PCDHGA5: variants seen among roughly 807,000 people sequenced by gnomAD.
PCDHGA5 encodes protocadherin gamma subfamily A, 5.
In PCDHGA5, 36 loss-of-function variants were observed where a neutral mutation model predicts 56.7. The observed-to-expected ratio is 0.64, with a 90% CI of 0.49 to 0.84. The LOEUF (loss-of-function observed/expected upper bound fraction) is 0.84, where lower values mean the gene tolerates loss of function less well. PCDHGA5 is among the 40% of genes least tolerant of loss of function. The pLI is 0.00. For synonymous variants in PCDHGA5, 563 were observed against 520.2 expected, an observed-to-expected ratio of 1.08 and a Z score of -1.12; for missense variants, 1,305 against 1,201.5, an observed-to-expected ratio of 1.09 and a Z score of -1.27.
In PCDHGA5 at chr5:141,366,063, C is replaced by A. The variant is rs775871309; in HGVS notation, c.1733C>A (p.Ala578Glu). Reference protein sequence around the residue: ...PTDGSTGVELAPRSAEPGYLV... With the variant: ...PTDGSTGVELEPRSAEPGYLV... ...GACGGTTCCACGGGCGTGGAGCTGG[C>A]GCCTCGCTCCGCAGAACCTGGCTAC... is the stretch of plus-strand genomic sequence containing the variant. The change falls in exon 1 of 4, where the codon GCG (alanine) becomes GAG (glutamate). Residue 578 changes from alanine to glutamate, a missense_variant. Coordinates refer to ENST00000518069, the MANE Select transcript of PCDHGA5 (RefSeq NM_018918.3). 90 of 1,614,128 alleles carry A rather than the reference C, an allele frequency of 5.6e-5. No homozygotes were observed. The highest frequency in any genetic ancestry group is 7.3e-5 in the Non-Finnish European group (86 of 1,180,056).
chr5:141,417,859 GAT>G, intron 1 of PCDHGA5: 1 of 1,548,208 alleles, frequency 6.5e-7, no homozygotes, highest in Middle Eastern at 1.7e-4. Context: ...CCGAGCGAAC[GAT>G]GGGAGGGAGC....
At chr5:141,445,751 G>A (rs1211416281) in intron 1 of PCDHGA5, among the ~76,000 whole-genome samples, 1 of 152,102 alleles carries the variant, frequency 6.6e-6, no homozygotes, top group East Asian at 1.9e-4. Context: ...AAAAATAAAA[G>A]GTGTGACTCA....
chr5:141,384,284 C>T (rs1588966005), intron 1 of PCDHGA5: 1 of 1,613,854 alleles, frequency 6.2e-7, no homozygotes. Context: ...GTCTACATCG[C>T]TGAGAACAAC....
At position 141,490,162 on chromosome 5, in the gene PCDHGA5, A is replaced by G. The variant is rs1371128858; in HGVS notation, c.2422-4645A>G. The G allele has an allele frequency of 1.2e-6, 2 of 1,614,218 alleles. No individual in the cohort carries two copies. The highest frequency in any genetic ancestry group is 1.7e-6 in the Non-Finnish European group (2 of 1,180,028). ...TGGGGCAATCCATGTGTTGGGTCCCATAGACTTTGAGGAGTCACGTTTCTA... is the reference window on the plus strand; with the variant it reads ...TGGGGCAATCCATGTGTTGGGTCCCGTAGACTTTGAGGAGTCACGTTTCTA... On this transcript the variant is annotated intron_variant, in intron 1 of 3. Transcript: ENST00000518069. This position sits in a 1 kb window ranked among gnomAD's most constrained non-coding sequence, Gnocchi z 5.4.
rs1430260899 is a variant in PCDHGA5, at chr5:141,415,763, T to G, written c.2421+49012T>G. On this transcript the variant is annotated intron_variant, in intron 1 of 3. Transcript: ENST00000518069. ...AGGTTTTTTTTTTTTTTTTTTTTTT[T>G]TTTTTTTTTACTTTCTGGTAAAATT... is the stretch of plus-strand genomic sequence containing the variant. The G allele has an allele frequency of 1.1e-5, 15 of 1,398,354 alleles. No homozygotes were observed. The African/African-American group carries it at 2.1e-4, about 19-fold the overall frequency. 86.6% of individuals were successfully genotyped at this position (1,398,354 alleles called of 1,614,324 possible). A position where few individuals can be genotyped will look rare whatever the true frequency, so the allele number is the denominator to read the frequency against.
chr5:141,387,207 T>A (rs986621045), intron 1 of PCDHGA5, among the ~76,000 whole-genome samples: 1 of 152,136 alleles, frequency 6.6e-6, no homozygotes, highest in Non-Finnish European at 1.5e-5. Flanking sequence ...TTACTGATAC[T>A]CTCCGGAAAA....
chr5:141,373,925 G>A, intron 1 of PCDHGA5: 1 of 660,678 alleles, frequency 1.5e-6, no homozygotes, highest in Non-Finnish European at 2.3e-6. Context: ...CAAATTAGAC[G>A]GGAAAGCAGG....
At position 141,491,257 on chromosome 5, in the gene PCDHGA5, G is replaced by GAAAT. The variant is rs1562145331; in HGVS notation, c.2422-3549_2422-3546dup. On this transcript the variant is annotated intron_variant, in intron 1 of 3. Transcript: ENST00000518069. The surrounding 1 kb of genome is among the most constrained non-coding windows in gnomAD (Gnocchi z 6.9). ...GGTTCTGGAGGATGAGGACCCTGAG[G>GAAAT]AAATGCCCAAATCCAGTGACTTCCT... is the stretch of plus-strand genomic sequence containing the variant. 6.2e-7 allele frequency: 1 copy of GAAAT among 1,614,170 alleles called. No individual in the cohort carries two copies. Among genetic ancestry groups the GAAAT allele is most frequent in the East Asian group, 2.2e-5 (1 of 44,884 alleles).
At position 141,493,482 on chromosome 5, in the gene PCDHGA5, G is replaced by A. The variant is rs184736387; in HGVS notation, c.2422-1325G>A. ...TTTTAGGACCTTACATGTGGGGAAA[G>A]TCTTCTGTGGCTCCTCATTTCTGAG... On this transcript the variant is annotated intron_variant, in intron 1 of 3. Coordinates refer to ENST00000518069, the MANE Select transcript of PCDHGA5 (RefSeq NM_018918.3). This position sits in a 1 kb window ranked among gnomAD's most constrained non-coding sequence, Gnocchi z 4.3. Among the ~76,000 whole-genome samples the A allele has an allele frequency of 1.5e-3, 229 of 152,324 alleles. No homozygotes were observed. Among genetic ancestry groups the A allele is most frequent in the Non-Finnish European group, 2.2e-3 (147 of 68,030 alleles).
chr5:141,409,203 T>TC, intron 1 of PCDHGA5: 1 of 1,613,964 alleles, frequency 6.2e-7, no homozygotes, highest in Non-Finnish European at 8.5e-7. Context: ...TGTAAAGTAA[T>TC]CATAGAAATC....
At chr5:141,494,780 G>A (rs1314622459) in intron 1 of PCDHGA5, 27 bp from the exon 2 acceptor site, 13 of 1,613,898 alleles carry the variant, frequency 8.1e-6, no homozygotes, top group African/African-American at 1.3e-5. Context: ...CGGGTACTCA[G>A]CCCCTTTCCC....
At position 141,489,257 on chromosome 5, in the gene PCDHGA5, T is replaced by TC. The variant is rs773157586; in HGVS notation, c.2422-5547dup. The stretch of plus-strand genomic sequence containing the variant: ...TTCTGGGTCATGGGGCCCAAGACAC[T>TC]CCCACAGCTCGCTGGGAAATGGCAA... On this transcript the variant is annotated intron_variant, in intron 1 of 3. Coordinates refer to ENST00000518069, the MANE Select transcript of PCDHGA5 (RefSeq NM_018918.3). The surrounding 1 kb of genome is among the most constrained non-coding windows in gnomAD (Gnocchi z 4.5). 1 of 1,550,308 alleles carries TC rather than the reference T, an allele frequency of 6.5e-7. No homozygotes were observed. Among genetic ancestry groups the TC allele is most frequent in the Non-Finnish European group, 8.7e-7 (1 of 1,148,342 alleles).
In PCDHGA5 at chr5:141,477,088, C is replaced by G. The variant is rs1008530221; in HGVS notation, c.2422-17719C>G. On this transcript the variant is annotated intron_variant, in intron 1 of 3. Transcript: ENST00000518069. This position sits in a 1 kb window ranked among gnomAD's most constrained non-coding sequence, Gnocchi z 4.9. ...AACTCCATGAGATTTACATCCAGGC[C>G]AAAGACAAGGGCGCCAATCCCGAAG... The G allele has an allele frequency of 1.2e-6, 2 of 1,614,112 alleles. No individual in the cohort carries two copies. The highest frequency in any genetic ancestry group is 1.6e-4 in the Middle Eastern group (1 of 6,084).
At position 141,476,613 on chromosome 5, in the gene PCDHGA5, G is replaced by A; in HGVS notation, c.2422-18194G>A. On this transcript the variant is annotated intron_variant, in intron 1 of 3. Coordinates refer to ENST00000518069, the MANE Select transcript of PCDHGA5 (RefSeq NM_018918.3). This position sits in a 1 kb window ranked among gnomAD's most constrained non-coding sequence, Gnocchi z 7.6. ...AGCGCGCACGATCCCGATGTGGGAA[G>A]CAACTCTTTACAAACCTATGAGCTG... is the stretch of plus-strand genomic sequence containing the variant. 1 of 1,614,266 alleles carries A rather than the reference G, an allele frequency of 6.2e-7. No homozygotes were observed. The highest frequency in any genetic ancestry group is 1.3e-5 in the African/African-American group (1 of 75,078).
intron 1 of PCDHGA5, chr5:141,372,380 A>C (rs1201023988): frequency 8.7e-6 from 14 of 1,613,964 alleles, no homozygotes; most frequent in Non-Finnish European, 1.2e-5. Flanking sequence ...TGCTGCACCT[A>C]ATCTTCGCAG....
Position 141,511,107 on chromosome 5 carries a change from G to A in PCDHGA5, c.2730G>A (p.Arg910=), listed in dbSNP as rs2099883608. 1 of 1,614,220 alleles carries A rather than the reference G, an allele frequency of 6.2e-7. No homozygotes were observed. Among genetic ancestry groups the A allele is most frequent in the Non-Finnish European group, 8.5e-7 (1 of 1,180,020 alleles). Residue 910 remains arginine, a synonymous_variant, in exon 4 of 4, where the codon CGG becomes CGA. Coordinates refer to ENST00000518069, the MANE Select transcript of PCDHGA5 (RefSeq NM_018918.3). Reference sequence around the variant, plus strand: ...CACTGACCAACGCAGCTGGCAAGCGGGATGGCAAGGCCCCAGCAGGTGGCA... The same window carrying A: ...CACTGACCAACGCAGCTGGCAAGCGAGATGGCAAGGCCCCAGCAGGTGGCA... The part of the protein sequence containing the change: ...NATLTNAAGK[R]DGKAPAGGNG...
At chr5:141,481,779 C>T (rs1367771159) in intron 1 of PCDHGA5, among the ~76,000 whole-genome samples, 2 of 152,092 alleles carry the variant, frequency 1.3e-5, no homozygotes, top group Non-Finnish European at 2.9e-5. Flanking sequence ...TGGTGAAACC[C>T]CGTCTCTACT....
intron 1 of PCDHGA5, chr5:141,387,691 G>C (rs1032902954): frequency 3.3e-5 from 28 of 840,822 alleles, no homozygotes; most frequent in Non-Finnish European, 4.7e-5. Context: ...GCCGCAGCGC[G>C]CTTTCCAGGG....
intron 1 of PCDHGA5, chr5:141,394,168 T>A (rs1291860578): frequency 1.7e-5 from 27 of 1,613,634 alleles, no homozygotes; most frequent in Non-Finnish European, 2.2e-5. Flanking sequence ...CCTCCTACTT[T>A]CCCTCATGCC....
Sources: gnomAD v4.1 joint callset for allele counts (sites outside exome capture counted in the v4.1 genomes callset) on GRCh38, gnomAD v4.1.1 for gene constraint, Gnocchi (gnomAD v3.1) non-coding constraint, MANE v1.5 for transcripts, NCBI Gene and HGNC (gene_info 2026-07-23, HGNC 2026-07-21) for gene names.